The following RRM2B variants were observed in gnomAD, a reference collection of about 807,000 sequenced individuals.
RRM2B encodes ribonucleotide reductase regulatory TP53 inducible subunit M2B.
In RRM2B, 20 loss-of-function variants were observed where a neutral mutation model predicts 45.9. The observed-to-expected ratio is 0.44, with a 90% CI of 0.31 to 0.63. The LOEUF (loss-of-function observed/expected upper bound fraction) is 0.63, where lower values mean the gene tolerates loss of function less well. RRM2B is among the 30% of genes least tolerant of loss of function. RRM2B has a pLI of 0.09. For synonymous variants in RRM2B, 124 were observed against 132.3 expected (o/e 0.94, Z 0.43); for missense variants, 320 against 414.7 (o/e 0.77, Z 1.98).
intron 8 of RRM2B, among the ~76,000 whole-genome samples, chr8:102,208,931 C>T (rs1410825333): frequency 1.3e-5 from 2 of 152,150 alleles, no homozygotes; most frequent in Non-Finnish European, 2.9e-5. Flanking sequence ...GGTGGGATCA[C>T]CTGAAGTCAG....
chr8:102,211,564 A>G (rs1241081090), intron 8 of RRM2B, among the ~76,000 whole-genome samples: 3 of 152,242 alleles, frequency 2.0e-5, no homozygotes, highest in African/African-American at 7.2e-5. Context: ...AATAAGCAGC[A>G]GAACATGAAC....
At chr8:102,232,000 A>T in intron 2 of RRM2B, 149 bp downstream of exon 2, 3 of 754,016 alleles carry the variant, frequency 4.0e-6, no homozygotes, top group Non-Finnish European at 6.7e-6. Context: ...AAACATTGAG[A>T]ACATCATATT....
chr8:102,221,457 C>A (rs28928583), intron 5 of RRM2B, among the ~76,000 whole-genome samples: 1 of 152,138 alleles, frequency 6.6e-6, no homozygotes, highest in Non-Finnish European at 1.5e-5. Context: ...ACTTCCTCAG[C>A]TGGTTAAAGG....
At position 102,207,441 on chromosome 8, in the gene RRM2B, T is replaced by C. The variant is rs1810563964; in HGVS notation, c.*692A>G. ...TGATAACCTCCTGGTTTCCACTCCATAAGTAGGCTTCCCAAAGCAACTAAC... is the reference window on the plus strand; with the variant it reads ...TGATAACCTCCTGGTTTCCACTCCACAAGTAGGCTTCCCAAAGCAACTAAC... On this transcript the variant is annotated 3_prime_UTR_variant, in exon 9 of 9. Coordinates refer to ENST00000251810, the MANE Select transcript of RRM2B (RefSeq NM_015713.5). 1 of 152,220 alleles carries C rather than the reference T, an allele frequency of 6.6e-6. No homozygotes were observed. Among genetic ancestry groups the C allele is most frequent in the Non-Finnish European group, 1.5e-5 (1 of 68,028 alleles). 9.4% of individuals were successfully genotyped at this position (152,220 alleles called of 1,614,324 possible). A position where few individuals can be genotyped will look rare whatever the true frequency, so the allele number is the denominator to read the frequency against.
At chr8:102,230,373 G>C (rs2132560463) in intron 2 of RRM2B, among the ~76,000 whole-genome samples, 1 of 152,306 alleles carries the variant, frequency 6.6e-6, no homozygotes, top group South Asian at 2.1e-4. Flanking sequence ...CTTTGTTACA[G>C]GTCACATATT....
chr8:102,237,831 A>G (rs1236404297), intron 1 of RRM2B, among the ~76,000 whole-genome samples: 1 of 152,214 alleles, frequency 6.6e-6, no homozygotes, highest in Non-Finnish European at 1.5e-5. Flanking sequence ...TACAAAAATC[A>G]AGTTAAATAA....
chr8:102,237,336 C>G lies in RRM2B; in HGVS notation c.48+1491G>C, dbSNP rs369804317. On this transcript the variant is annotated intron_variant, in intron 1 of 8. Transcript: ENST00000251810. ...AGCCCCTTCTAGTCTATCTATGGAC[C>G]CTTTAAGACAGTGGGGGGTTTTTTG... Among the ~76,000 whole-genome samples, 22 of 152,246 alleles carry G rather than the reference C, an allele frequency of 1.4e-4. 1 individual carries two copies. In the South Asian group the frequency reaches 3.9e-3, roughly 27 times the overall value.
At position 102,238,912 on chromosome 8, in the gene RRM2B, C is replaced by G. The variant is rs757782342; in HGVS notation, c.-38G>C. ...GCCGAAGCTACGGGCGCTGAGGGAA[C>G]TGAGCTCCTCAGGCCACCTCCAACT... On this transcript the variant is annotated 5_prime_UTR_variant, in exon 1 of 9. Coordinates refer to ENST00000251810, the MANE Select transcript of RRM2B (RefSeq NM_015713.5). The G allele has an allele frequency of 1.2e-6, 2 of 1,603,140 alleles. No individual in the cohort carries two copies. Among genetic ancestry groups the G allele is most frequent in the Non-Finnish European group, 1.7e-6 (2 of 1,177,906 alleles).
In RRM2B at chr8:102,225,866, C is replaced by A. The variant is rs1587180353; in HGVS notation, c.321+52G>T. ...AATTTAATAATCTTACTGACATTAT[C>A]ATCATTTAACTGCTAAAGGAGAACA... On this transcript the variant is annotated intron_variant, in intron 3 of 8. Coordinates refer to ENST00000251810, the MANE Select transcript of RRM2B (RefSeq NM_015713.5). The A allele has an allele frequency of 1.3e-5, 12 of 950,636 alleles. No individual in the cohort carries two copies. In the East Asian group the frequency reaches 2.9e-4, roughly 23 times the overall value. 58.9% of individuals were successfully genotyped at this position (950,636 alleles called of 1,614,324 possible).
Position 102,238,835 on chromosome 8 carries a change from G to C in RRM2B, c.40C>G (p.Gln14Glu), listed in dbSNP as rs751145447. 1 of 1,613,636 alleles carries C rather than the reference G, an allele frequency of 6.2e-7. No homozygotes were observed. The highest frequency in any genetic ancestry group is 1.1e-5 in the South Asian group (1 of 91,088). Residue 14 changes from glutamine (Q) to glutamate (E), a missense_variant, in exon 1 of 9, where the codon CAG (glutamine) becomes GAG (glutamate). Transcript: ENST00000251810. Reference protein sequence around the residue: ...PERPEAAGLDQDERSSSDTNE... With the variant: ...PERPEAAGLDEDERSSSDTNE... ...GCAACAGCAACATTTACCTCATCCTGATCCAGCCCGGCCGCTTCCGGCCTT... is the reference window on the plus strand; with the variant it reads ...GCAACAGCAACATTTACCTCATCCTCATCCAGCCCGGCCGCTTCCGGCCTT...
intron 2 of RRM2B, among the ~76,000 whole-genome samples, chr8:102,230,062 T>C (rs1407985639): frequency 2.0e-5 from 3 of 152,350 alleles, no homozygotes; most frequent in South Asian, 2.1e-4. Flanking sequence ...CTCAATTTCA[T>C]CATTTAAATA....
intron 2 of RRM2B, among the ~76,000 whole-genome samples, chr8:102,229,586 C>A (rs1435618637): frequency 9.2e-6 from 1 of 108,708 alleles, no homozygotes; most frequent in Non-Finnish European, 1.9e-5. Flanking sequence ...TATATTATAA[C>A]CCCTCAGGTT....
chr8:102,238,951 G>A lies in RRM2B; in HGVS notation c.-77C>T, dbSNP rs1452667473. 3 of 1,521,100 alleles carry A rather than the reference G, an allele frequency of 2.0e-6. No individual in the cohort carries two copies. Among genetic ancestry groups the A allele is most frequent in the South Asian group, 1.1e-5 (1 of 88,646 alleles). 94.2% of individuals were successfully genotyped at this position (1,521,100 alleles called of 1,614,324 possible). On this transcript the variant is annotated 5_prime_UTR_variant, in exon 1 of 9. Transcript: ENST00000251810. ...CCACCTCCAACTACGACAGCACCCA[G>A]GTGGTCCGCTGGTCCGCTGGGTCCG...
intron 7 of RRM2B, among the ~76,000 whole-genome samples, chr8:102,213,556 C>T (rs193296998): frequency 1.2e-3 from 176 of 152,282 alleles, no homozygotes; most frequent in Middle Eastern, 3.4e-3. Context: ...AAAAACACAT[C>T]CTAAGTAGCG....
intron 1 of RRM2B, among the ~76,000 whole-genome samples, chr8:102,233,165 GTCTC>G (rs917174993): frequency 6.6e-5 from 10 of 152,094 alleles, no homozygotes; most frequent in Non-Finnish European, 1.2e-4. Context: ...ATCCAAAACT[GTCTC>G]TCTCTCTACT....
At chr8:102,224,284 C>A (rs924544289) in intron 4 of RRM2B, 144 bp from the exon 5 acceptor site, 14 of 612,010 alleles carry the variant, frequency 2.3e-5, no homozygotes, top group Non-Finnish European at 3.2e-5. Context: ...CGGGTTCATG[C>A]CATTCTCCTG....
At chr8:102,224,847 C>A in intron 4 of RRM2B, 38 bp downstream of exon 4, 1 of 1,598,792 alleles carries the variant, frequency 6.3e-7, no homozygotes. Context: ...CATAACCAAG[C>A]CGTAAGCAAT....
At chr8:102,224,245 G>T in intron 4 of RRM2B, 105 bp from the exon 5 acceptor site, 1 of 741,712 alleles carries the variant, frequency 1.3e-6, no homozygotes, top group Non-Finnish European at 2.3e-6. Flanking sequence ...GCAGTGGCAC[G>T]ATCTCGGCTC....
intron 8 of RRM2B, 95 bp downstream of exon 8, chr8:102,212,681 T>C (rs888171665): frequency 4.2e-6 from 3 of 719,036 alleles, no homozygotes; most frequent in African/African-American, 3.6e-5. Flanking sequence ...AAAAATAGAA[T>C]AGTATGTTAC....
Sources: allele counts gnomAD v4.1 joint callset (sites outside exome capture counted in the v4.1 genomes callset), GRCh38; gene constraint gnomAD v4.1.1; transcripts MANE v1.5; gene names NCBI Gene and HGNC (gene_info 2026-07-23, HGNC 2026-07-21).